The following FBXL13 variants were observed in gnomAD, a reference collection of about 807,000 sequenced individuals.
FBXL13 encodes F-box and leucine-rich repeat protein 13.
In FBXL13, 67 loss-of-function variants were observed where a neutral mutation model predicts 83.6. The ratio of observed to expected loss-of-function variants is 0.80; its 90% CI spans 0.66 to 0.98. FBXL13 has a LOEUF of 0.98. FBXL13 is among the 50% of genes least tolerant of loss of function. FBXL13 has a pLI of 0.00. For missense variants in FBXL13, 822 were observed against 866.5 expected, an observed-to-expected ratio of 0.95 and a Z score of 0.64; for synonymous variants, 272 against 299.5, an observed-to-expected ratio of 0.91 and a Z score of 0.95.
chr7:103,041,869 C>T (rs1292500397), intron 2 of FBXL13, among the ~76,000 whole-genome samples: 2 of 152,326 alleles, frequency 1.3e-5, no homozygotes, highest in East Asian at 3.9e-4. Flanking sequence ...CAATATCCTA[C>T]TGAATGGGCA....
chr7:102,926,791 A>G (rs1418923249), intron 9 of FBXL13, among the ~76,000 whole-genome samples: 2 of 152,228 alleles, frequency 1.3e-5, no homozygotes, highest in South Asian at 2.1e-4. Context: ...ACTCTCAACA[A>G]TGGAACTTTA....
At chr7:102,962,243 C>G (rs1371250145) in intron 8 of FBXL13, among the ~76,000 whole-genome samples, 3 of 152,006 alleles carry the variant, frequency 2.0e-5, no homozygotes, top group Admixed American at 2.0e-4. Context: ...AAATGCTCAT[C>G]ATCACTGGCC....
chr7:102,902,776 A>G (rs1399247510), intron 11 of FBXL13, among the ~76,000 whole-genome samples: 1 of 151,744 alleles, frequency 6.6e-6, no homozygotes, highest in Non-Finnish European at 1.5e-5. Flanking sequence ...ATTCTGTTCT[A>G]TTGGTCTATG....
chr7:102,973,453 G>A (rs1366965316), intron 6 of FBXL13: 11 of 741,766 alleles, frequency 1.5e-5, no homozygotes, highest in Admixed American at 3.7e-5. Flanking sequence ...TCCTGTTTAC[G>A]GAAGACTATA....
chr7:102,900,549 C>G (rs1812836766), intron 11 of FBXL13, among the ~76,000 whole-genome samples: 2 of 152,188 alleles, frequency 1.3e-5, no homozygotes. Flanking sequence ...AATTTTCCTT[C>G]TATGAAGCTA....
intron 2 of FBXL13, among the ~76,000 whole-genome samples, chr7:103,039,724 C>A (rs1795464225): frequency 6.6e-6 from 1 of 151,992 alleles, no homozygotes; most frequent in South Asian, 2.1e-4. Context: ...TCCAGTCAAA[C>A]TAAGTTTCAT....
intron 2 of FBXL13, among the ~76,000 whole-genome samples, chr7:103,047,662 C>G (rs1056190203): frequency 6.6e-6 from 1 of 152,166 alleles, no homozygotes; most frequent in African/African-American, 2.4e-5. Flanking sequence ...AGTATATACT[C>G]AGACATATTA....
chr7:102,957,328 C>A (rs1824444754), intron 8 of FBXL13, among the ~76,000 whole-genome samples: 1 of 152,092 alleles, frequency 6.6e-6, no homozygotes, highest in South Asian at 2.1e-4. Flanking sequence ...AATTGGCTAG[C>A]CATATGCAGA....
chr7:102,959,820 A>G (rs1044114072), intron 8 of FBXL13, among the ~76,000 whole-genome samples: 2 of 152,116 alleles, frequency 1.3e-5, no homozygotes, highest in African/African-American at 4.8e-5. Context: ...ATCAAATAGA[A>G]GAAGGTTAAA....
chr7:102,838,056 A>C (rs1468687886), intron 17 of FBXL13, among the ~76,000 whole-genome samples: 1 of 152,238 alleles, frequency 6.6e-6, no homozygotes, highest in Non-Finnish European at 1.5e-5. Flanking sequence ...TATGGCCCTC[A>C]GAATACTAAG....
At chr7:103,047,909 T>C (rs1475447607) in intron 2 of FBXL13, among the ~76,000 whole-genome samples, 1 of 152,232 alleles carries the variant, frequency 6.6e-6, no homozygotes, top group African/African-American at 2.4e-5. Context: ...TTAGCCGGGC[T>C]GGTCTCAAAC....
Position 102,954,078 on chromosome 7 carries a change from T to C in FBXL13, c.724+9455A>G, listed in dbSNP as rs532651709. Among the ~76,000 whole-genome samples the C allele has an allele frequency of 5.9e-5, 9 of 152,086 alleles. No homozygotes were observed. In the South Asian group the frequency reaches 1.7e-3, roughly 28 times the overall value. On this transcript the variant is annotated intron_variant, in intron 8 of 19. Transcript: ENST00000313221. ...ACCTGGTTCATCTCACTGGGACTGGTTGGACAGTGGGTGCAGCCCACACAG... is the reference window on the plus strand; with the variant it reads ...ACCTGGTTCATCTCACTGGGACTGGCTGGACAGTGGGTGCAGCCCACACAG...
chr7:103,049,896 T>A (rs958553576), intron 2 of FBXL13: 5 of 151,884 alleles, frequency 3.3e-5, no homozygotes, highest in Admixed American at 3.3e-4. Context: ...ATGGCAAAGG[T>A]CACCCAAATA....
downstream of FBXL13, among the ~76,000 whole-genome samples, chr7:102,812,592 T>C (rs1797489706): frequency 6.6e-6 from 1 of 152,200 alleles, no homozygotes; most frequent in South Asian, 2.1e-4. Context: ...TATGTCTGTA[T>C]TCTTTATAAA....
At chr7:102,967,201 GC>G (rs1826061115) in intron 7 of FBXL13, among the ~76,000 whole-genome samples, 2 of 152,068 alleles carry the variant, frequency 1.3e-5, no homozygotes, top group South Asian at 4.2e-4. Flanking sequence ...CTTGTGATCT[GC>G]CTGCCTCGGC....
intron 14 of FBXL13, among the ~76,000 whole-genome samples, chr7:102,881,265 G>C (rs1288584033): frequency 1.3e-5 from 2 of 151,838 alleles, no homozygotes; most frequent in African/African-American, 4.8e-5. Context: ...GGCCAACATG[G>C]TGAGACCCTA....
chr7:102,935,671 T>C (rs558141245), intron 8 of FBXL13, among the ~76,000 whole-genome samples: 25 of 152,268 alleles, frequency 1.6e-4, no homozygotes, highest in African/African-American at 5.1e-4. Context: ...TTAGTGAAGA[T>C]TGATGTTCTC....
intron 16 of FBXL13, among the ~76,000 whole-genome samples, chr7:102,861,512 G>A (rs965767289): frequency 6.6e-6 from 1 of 152,074 alleles, no homozygotes. Context: ...GGGCCACTTG[G>A]TTCAGAAGAT....
At chr7:102,876,805 G>C (rs1039614308) in intron 16 of FBXL13, among the ~76,000 whole-genome samples, 2 of 152,148 alleles carry the variant, frequency 1.3e-5, no homozygotes, top group Non-Finnish European at 1.5e-5. Context: ...GAAGGATATA[G>C]GATATAAGAT....
Sources: gnomAD v4.1 joint callset for allele counts (sites outside exome capture counted in the v4.1 genomes callset) on GRCh38, gnomAD v4.1.1 for gene constraint, MANE v1.5 for transcripts, NCBI Gene and HGNC (gene_info 2026-07-23, HGNC 2026-07-21) for gene names.